The following ZNRF1 variants were observed in gnomAD, a reference collection of about 807,000 sequenced individuals.
ZNRF1 encodes E3 ubiquitin-protein ligase ZNRF1.
Under a neutral mutation model 18.4 loss-of-function variants are expected in ZNRF1, and 3 were observed. The observed-to-expected ratio is 0.16, with a 90% CI of 0.07 to 0.42. ZNRF1 has a LOEUF of 0.42. ZNRF1 is among the 10% of genes least tolerant of loss of function. ZNRF1 has a pLI of 0.99. For missense variants in ZNRF1, 310 were observed against 329.8 expected, an observed-to-expected ratio of 0.94 and a Z score of 0.47; for synonymous variants, 157 against 144.2, an observed-to-expected ratio of 1.09 and a Z score of -0.64.
chr16:75,076,079 A>G (rs2035937134), intron 1 of ZNRF1, among the ~76,000 whole-genome samples: 1 of 152,230 alleles, frequency 6.6e-6, no homozygotes, highest in African/African-American at 2.4e-5. Context: ...AACCCTGATC[A>G]TGAGATATAG....
At chr16:75,063,702 G>A (rs1481433425) in intron 1 of ZNRF1, among the ~76,000 whole-genome samples, 1 of 152,170 alleles carries the variant, frequency 6.6e-6, no homozygotes, top group Non-Finnish European at 1.5e-5. Context: ...TGTCAAAAGA[G>A]GTGAATGCTT....
At chr16:75,086,295 C>T (rs1337683709) in intron 1 of ZNRF1, among the ~76,000 whole-genome samples, 1 of 152,202 alleles carries the variant, frequency 6.6e-6, no homozygotes, top group East Asian at 1.9e-4. Flanking sequence ...CACACAGATA[C>T]ATTAAACTTT....
chr16:74,999,469 A>C lies in ZNRF1; in HGVS notation c.-203A>C. 1 of 409,076 alleles carries C rather than the reference A, an allele frequency of 2.4e-6. No homozygotes were observed. The allele number at this position is 409,076 out of a possible 1,614,324, so 25.3% of individuals were successfully genotyped here. On this transcript the variant is annotated 5_prime_UTR_variant, in exon 1 of 5. Coordinates refer to ENST00000335325, the MANE Select transcript of ZNRF1 (RefSeq NM_032268.5). ...TTGCCTTGGATCGTTTGAAATTCTG[A>C]GTTTGGGATCCCCGCCCGCCCGCCT...
At chr16:75,035,076 C>G (rs906110365) in intron 1 of ZNRF1, among the ~76,000 whole-genome samples, 2 of 152,022 alleles carry the variant, frequency 1.3e-5, no homozygotes, top group African/African-American at 2.4e-5. Flanking sequence ...CAGTGCAGTG[C>G]GTGAGTTCCA....
chr16:75,013,029 G>C (rs2035019121), intron 1 of ZNRF1, among the ~76,000 whole-genome samples: 1 of 152,188 alleles, frequency 6.6e-6, no homozygotes, highest in South Asian at 2.1e-4. Context: ...GAAGGCATCA[G>C]TTCTGTAGGA....
intron 1 of ZNRF1, among the ~76,000 whole-genome samples, chr16:75,047,090 A>G (rs185516485): frequency 2.4e-4 from 36 of 152,290 alleles, no homozygotes; most frequent in African/African-American, 8.4e-4. Flanking sequence ...TGTTTTTGAG[A>G]TGTATTCATT....
intron 1 of ZNRF1, among the ~76,000 whole-genome samples, chr16:75,023,772 C>A (rs1269231589): frequency 6.6e-6 from 1 of 152,060 alleles, no homozygotes; most frequent in African/African-American, 2.4e-5. Flanking sequence ...CACTGACCCC[C>A]AACCTTTTTC....
chr16:75,103,182 C>T (rs1345594809), intron 2 of ZNRF1, among the ~76,000 whole-genome samples: 1 of 152,170 alleles, frequency 6.6e-6, no homozygotes, highest in Non-Finnish European at 1.5e-5. Context: ...CTGTCGCCGG[C>T]ACGCAGAATG....
intron 1 of ZNRF1, among the ~76,000 whole-genome samples, chr16:75,048,868 T>G (rs1277712513): frequency 6.6e-6 from 1 of 152,214 alleles, no homozygotes; most frequent in Non-Finnish European, 1.5e-5. Context: ...AACCTGTGGA[T>G]AATCCTTACA....
At position 75,075,577 on chromosome 16, in the gene ZNRF1, G is replaced by T. The variant is rs556875649; in HGVS notation, c.425-17995G>T. Among the ~76,000 whole-genome samples the T allele has an allele frequency of 5.3e-5, 8 of 152,310 alleles. No homozygotes were observed. In the South Asian group the frequency reaches 1.7e-3, roughly 32 times the overall value. On this transcript the variant is annotated intron_variant, in intron 1 of 4. Transcript: ENST00000335325. ...TATCTCTTTCCGGTTGTACAGCTGG[G>T]CCTTTTTCACACATTTCCGTGAAGT...
intron 2 of ZNRF1, among the ~76,000 whole-genome samples, chr16:75,094,737 C>T (rs1567493805): frequency 6.6e-6 from 1 of 152,126 alleles, no homozygotes; most frequent in Admixed American, 6.5e-5. Context: ...GCTGCTCAGC[C>T]CACGCCACTG....
intron 1 of ZNRF1, among the ~76,000 whole-genome samples, chr16:75,044,530 A>ATT (rs35670893): frequency 2.4e-4 from 35 of 143,636 alleles, no homozygotes; most frequent in African/African-American, 8.4e-4. Context: ...GCACCCAGCC[A>ATT]TTTTTTTTTT....
At chr16:75,088,879 G>C (rs1365925661) in intron 1 of ZNRF1, among the ~76,000 whole-genome samples, 1 of 152,192 alleles carries the variant, frequency 6.6e-6, no homozygotes, top group Non-Finnish European at 1.5e-5. Flanking sequence ...GTTAAAGAGA[G>C]ACTGTTGGTT....
At chr16:75,074,089 G>A (rs544456516) in intron 1 of ZNRF1, among the ~76,000 whole-genome samples, 16 of 152,008 alleles carry the variant, frequency 1.1e-4, no homozygotes, top group Admixed American at 2.0e-4. Context: ...TTTTCACTTG[G>A]AATGATTGAA....
chr16:75,049,179 A>G (rs766756739), intron 1 of ZNRF1, among the ~76,000 whole-genome samples: 1 of 150,682 alleles, frequency 6.6e-6, no homozygotes, highest in African/African-American at 2.4e-5. Flanking sequence ...TTCTTTTTGT[A>G]TTTTTAGTAG....
chr16:75,078,504 G>A (rs138663230), intron 1 of ZNRF1, among the ~76,000 whole-genome samples: 443 of 152,046 alleles, frequency 2.9e-3, no homozygotes, highest in African/African-American at 0.01. Flanking sequence ...TCACCACGTT[G>A]GTCAGGCTGG....
chr16:75,002,616 C>G (rs906046496), intron 1 of ZNRF1, among the ~76,000 whole-genome samples: 2 of 152,194 alleles, frequency 1.3e-5, no homozygotes, highest in Non-Finnish European at 2.9e-5. Flanking sequence ...CTGAAGGGCC[C>G]TGGTCCCAGC....
Position 74,999,755 on chromosome 16 carries a change from G to C in ZNRF1, c.84G>C (p.Pro28=). The change falls in exon 1 of 5, where the codon CCG becomes CCC. Residue 28 remains proline (P), a synonymous_variant. Coordinates refer to ENST00000335325, the MANE Select transcript of ZNRF1 (RefSeq NM_032268.5). Reference sequence around the variant, plus strand: ...CCGATGACAGCGCCGTGCCGCCGCCGGGAGGGGCGCCCCATTTCGGGCACT... The same window carrying C: ...CCGATGACAGCGCCGTGCCGCCGCCCGGAGGGGCGCCCCATTTCGGGCACT... The part of the protein sequence containing the change: ...VSTDDSAVPP[P]GGAPHFGHYR... The C allele has an allele frequency of 7.2e-7, 1 of 1,391,498 alleles. No individual in the cohort carries two copies. The highest frequency in any genetic ancestry group is 1.6e-5 in the South Asian group (1 of 63,188). 86.2% of individuals were successfully genotyped at this position (1,391,498 alleles called of 1,614,324 possible).
intron 1 of ZNRF1, among the ~76,000 whole-genome samples, chr16:75,050,384 G>A (rs758456052): frequency 1.3e-5 from 2 of 151,966 alleles, no homozygotes; most frequent in Non-Finnish European, 2.9e-5. Flanking sequence ...AAATTAGCTG[G>A]GCGTGGTGGT....
Sources: allele counts gnomAD v4.1 joint callset (sites outside exome capture counted in the v4.1 genomes callset), GRCh38; gene constraint gnomAD v4.1.1; transcripts MANE v1.5; gene names NCBI Gene and HGNC (gene_info 2026-07-23, HGNC 2026-07-21).